The following FBXL17 variants were observed in gnomAD, a reference collection of about 807,000 sequenced individuals.
The protein encoded by FBXL17 is F-box/LRR-repeat protein 17.
In FBXL17, 22 loss-of-function variants were observed where a neutral mutation model predicts 66.2. The observed-to-expected ratio is 0.33, with a 90% CI of 0.24 to 0.47. FBXL17 has a LOEUF of 0.47. FBXL17 is among the 20% of genes least tolerant of loss of function. The pLI is 1.00. For synonymous variants in FBXL17, 474 were observed against 400.5 expected, an observed-to-expected ratio of 1.18 and a Z score of -2.19; for missense variants, 878 against 948.2, an observed-to-expected ratio of 0.93 and a Z score of 0.97.
intron 4 of FBXL17, among the ~76,000 whole-genome samples, chr5:108,339,375 C>A (rs971790533): frequency 6.6e-6 from 1 of 152,110 alleles, no homozygotes; most frequent in African/African-American, 2.4e-5. Context: ...CATGCCACTG[C>A]CATCTAACCT....
intron 4 of FBXL17, among the ~76,000 whole-genome samples, chr5:108,348,124 C>T (rs1747396733): frequency 6.6e-6 from 1 of 152,116 alleles, no homozygotes; most frequent in African/African-American, 2.4e-5. Context: ...TTGATTTTTC[C>T]AATTTACCAG....
chr5:108,288,591 T>C (rs569402116), intron 4 of FBXL17, among the ~76,000 whole-genome samples: 163 of 152,024 alleles, frequency 1.1e-3, no homozygotes, highest in African/African-American at 3.7e-3. Flanking sequence ...TATAAATATA[T>C]TGGAAGGATG....
chr5:108,222,712 C>T (rs185534846), intron 5 of FBXL17, among the ~76,000 whole-genome samples: 45 of 128,578 alleles, frequency 3.5e-4, no homozygotes, highest in Non-Finnish European at 5.0e-4. Context: ...TCTCATCTGT[C>T]GCCCGGGCTG....
chr5:107,990,867 A>AT (rs1340500633), intron 7 of FBXL17, among the ~76,000 whole-genome samples: 1 of 152,046 alleles, frequency 6.6e-6, no homozygotes, highest in African/African-American at 2.4e-5. Flanking sequence ...GACTGGTAGG[A>AT]TTTGTCTCAG....
chr5:108,295,313 T>A (rs960460393), intron 4 of FBXL17, among the ~76,000 whole-genome samples: 1 of 151,842 alleles, frequency 6.6e-6, no homozygotes, highest in Non-Finnish European at 1.5e-5. Context: ...TAATATTTTT[T>A]AAATATAAAA....
At chr5:108,211,073 T>G (rs554687908) in intron 5 of FBXL17, among the ~76,000 whole-genome samples, 3 of 152,310 alleles carry the variant, frequency 2.0e-5, no homozygotes, top group East Asian at 1.9e-4. Flanking sequence ...AATGCCCTTC[T>G]TTGTCTCTTT....
chr5:107,900,632 A>G (rs932769388), intron 7 of FBXL17, among the ~76,000 whole-genome samples: 8 of 139,378 alleles, frequency 5.7e-5, no homozygotes, highest in Non-Finnish European at 1.3e-4. Flanking sequence ...CTATGTGCTT[A>G]AAAATTATTT....
At chr5:107,901,891 A>C (rs1210004044) in intron 7 of FBXL17, among the ~76,000 whole-genome samples, 1 of 152,226 alleles carries the variant, frequency 6.6e-6, no homozygotes, top group Non-Finnish European at 1.5e-5. Context: ...CTGGAACCAC[A>C]TACAGTGCAG....
intron 4 of FBXL17, among the ~76,000 whole-genome samples, chr5:108,240,338 G>A (rs1314580826): frequency 6.6e-6 from 1 of 152,076 alleles, no homozygotes; most frequent in Non-Finnish European, 1.5e-5. Context: ...CTGCCCTGAA[G>A]GTGAGTCCTA....
At chr5:108,016,061 TTA>T (rs1754373867) in intron 7 of FBXL17, among the ~76,000 whole-genome samples, 1 of 152,190 alleles carries the variant, frequency 6.6e-6, no homozygotes, top group Non-Finnish European at 1.5e-5. Flanking sequence ...TGACAGAATA[TTA>T]TGTTTGACAG....
chr5:108,320,836 TAAAAC>T (rs1029293146), intron 4 of FBXL17, among the ~76,000 whole-genome samples: 8 of 151,808 alleles, frequency 5.3e-5, no homozygotes, highest in South Asian at 2.1e-4. Flanking sequence ...AGGGTTTTCT[TAAAAC>T]AAATTCGCTT....
intron 4 of FBXL17, among the ~76,000 whole-genome samples, chr5:108,269,712 G>C (rs1757188251): frequency 6.6e-6 from 1 of 151,910 alleles, no homozygotes; most frequent in Non-Finnish European, 1.5e-5. Flanking sequence ...AGATTGTAAG[G>C]TCTTCCAAAG....
At chr5:108,162,445 A>T (rs1243339554) in intron 6 of FBXL17, among the ~76,000 whole-genome samples, 1 of 152,128 alleles carries the variant, frequency 6.6e-6, no homozygotes, top group African/African-American at 2.4e-5. Flanking sequence ...ACAGTGACGT[A>T]TGTCACTGCA....
At chr5:108,176,185 C>T (rs1752788193) in intron 6 of FBXL17, among the ~76,000 whole-genome samples, 1 of 152,116 alleles carries the variant, frequency 6.6e-6, no homozygotes, top group Non-Finnish European at 1.5e-5. Context: ...TCCCTAAATC[C>T]ATGGGCTTAT....
intron 6 of FBXL17, among the ~76,000 whole-genome samples, chr5:108,098,905 T>C (rs1378459120): frequency 6.6e-6 from 1 of 152,212 alleles, no homozygotes; most frequent in Non-Finnish European, 1.5e-5. Context: ...TCATCACTAA[T>C]AACTTCTTAG....
chr5:108,368,658 GAC>G (rs1748830932), intron 1 of FBXL17, among the ~76,000 whole-genome samples: 1 of 152,022 alleles, frequency 6.6e-6, no homozygotes, highest in African/African-American at 2.4e-5. Context: ...GACAGAAAAA[GAC>G]ATTAATGGAA....
intron 8 of FBXL17, among the ~76,000 whole-genome samples, chr5:107,864,315 C>A (rs997748093): frequency 8.5e-5 from 13 of 152,142 alleles, no homozygotes; most frequent in Admixed American, 2.6e-4. Context: ...ATAAAATAAA[C>A]CTTGTTAACA....
chr5:108,098,746 TAAA>T (rs10649679), intron 6 of FBXL17, among the ~76,000 whole-genome samples: 1 of 118,552 alleles, frequency 8.4e-6, no homozygotes. Context: ...CTCTGTCTCA[TAAA>T]AAAAAAAAAA....
At chr5:108,363,268 T>C (rs1474281028) in intron 3 of FBXL17, among the ~76,000 whole-genome samples, 1 of 151,998 alleles carries the variant, frequency 6.6e-6, no homozygotes, top group Non-Finnish European at 1.5e-5. Context: ...CTATTTTATG[T>C]ATATATGAAA....
Sources: allele counts gnomAD v4.1 joint callset (sites outside exome capture counted in the v4.1 genomes callset), GRCh38; gene constraint gnomAD v4.1.1; transcripts MANE v1.5; gene names NCBI Gene and HGNC (gene_info 2026-07-23, HGNC 2026-07-21).